Variants in RAPGEFL1 observed in about 807,000 individuals in gnomAD.
RAPGEFL1 encodes Rap guanine nucleotide exchange factor like 1, also known as rap guanine nucleotide exchange factor-like 1.
RAPGEFL1 carries 31 observed loss-of-function variants against 64.4 expected under a neutral mutation model. The observed-to-expected ratio is 0.48, with a 90% CI of 0.36 to 0.65. The LOEUF (loss-of-function observed/expected upper bound fraction) is 0.65, where lower values mean the gene tolerates loss of function less well. Ranked by LOEUF, RAPGEFL1 falls within the 30% of genes least tolerant of loss-of-function variation. The pLI is 0.00. For missense variants in RAPGEFL1, 682 were observed against 677.4 expected (o/e 1.01, Z -0.08); for synonymous variants, 331 against 274.1 (o/e 1.21, Z -2.05).
chr17:40,184,827 T>C, intron 4 of RAPGEFL1, 149 bp downstream of exon 4: 1 of 596,364 alleles, frequency 1.7e-6, no homozygotes, highest in Non-Finnish European at 3.0e-6. Flanking sequence ...TCGCCTAGGC[T>C]GGAGAGCAGT....
chr17:40,180,666 A>G (rs1230616196), intron 1 of RAPGEFL1, among the ~76,000 whole-genome samples: 2 of 152,218 alleles, frequency 1.3e-5, no homozygotes, highest in African/African-American at 4.8e-5. Flanking sequence ...AGTCCCTCCC[A>G]GCTCTGGGCC....
rs1990328601 is a variant in RAPGEFL1, at chr17:40,192,937, C to G, written c.1756C>G (p.Leu586Val). ...TCCACATCCCCTAGACCTGACTTTC[C>G]TGCACGAAGGGAGTAAGACCCTTGT... Reference protein sequence around the residue: ...VPLILKDLTFLHEGSKTLVDG... With the variant: ...VPLILKDLTFVHEGSKTLVDG... Residue 586 changes from leucine (L) to valine (V), a missense_variant, in exon 13 of 15, where the codon CTG (leucine) becomes GTG (valine). Transcript: ENST00000620260. The G allele has an allele frequency of 1.9e-6, 3 of 1,613,632 alleles. No individual in the cohort carries two copies. Among genetic ancestry groups the G allele is most frequent in the African/African-American group, 1.3e-5 (1 of 74,906 alleles).
intron 2 of RAPGEFL1, among the ~76,000 whole-genome samples, chr17:40,183,062 C>T (rs995391700): frequency 1.3e-5 from 2 of 152,112 alleles, no homozygotes; most frequent in Non-Finnish European, 2.9e-5. Context: ...GCAGGAGAAT[C>T]GCTTGAACCC....
Position 40,177,486 on chromosome 17 carries a change from G to T in RAPGEFL1, c.-376G>T, listed in dbSNP as rs532588599. 4.9e-6 allele frequency: 3 copies of T among 617,232 alleles called. No homozygotes were observed. Among genetic ancestry groups the T allele is most frequent in the East Asian group, 5.6e-5 (2 of 35,778 alleles). 38.2% of individuals were successfully genotyped at this position (617,232 alleles called of 1,614,324 possible). A position where few individuals can be genotyped will look rare whatever the true frequency, so the allele number is the denominator to read the frequency against. On this transcript the variant is annotated 5_prime_UTR_variant, in exon 1 of 15. Coordinates refer to ENST00000620260, the MANE Select transcript of RAPGEFL1 (RefSeq NM_016339.6). ...GTTCTGCCACCTTCCCCCTCTTCAC[G>T]GCCAGGAGCGCAGCCGCCGCCGCCG...
intron 10 of RAPGEFL1, 101 bp from the exon 11 acceptor site, chr17:40,192,112 C>A: frequency 9.2e-7 from 1 of 1,089,832 alleles, no homozygotes; most frequent in South Asian, 1.3e-5. Flanking sequence ...ACAAGCCATG[C>A]AGGCCCTTTT....
chr17:40,179,930 A>C (rs1262224036), intron 1 of RAPGEFL1, among the ~76,000 whole-genome samples: 2 of 152,044 alleles, frequency 1.3e-5, no homozygotes, highest in Non-Finnish European at 2.9e-5. Flanking sequence ...TCAGACACAC[A>C]CAGCTCTCCT....
At chr17:40,189,125 G>A (rs1451771091) in intron 5 of RAPGEFL1, 83 bp from the exon 6 acceptor site, 2 of 1,507,208 alleles carry the variant, frequency 1.3e-6, no homozygotes, top group Non-Finnish European at 1.8e-6. Context: ...CCTCTGGTGG[G>A]GAATAGAGGC....
chr17:40,193,494 C>T, intron 14 of RAPGEFL1, 77 bp downstream of exon 14: 1 of 1,582,706 alleles, frequency 6.3e-7, no homozygotes, highest in South Asian at 1.1e-5. Flanking sequence ...AACTCCCTGT[C>T]CAGATGTGTA....
intron 10 of RAPGEFL1, among the ~76,000 whole-genome samples, 154 bp from the exon 11 acceptor site, chr17:40,192,059 A>C (rs1990294278): frequency 6.6e-6 from 1 of 152,140 alleles, no homozygotes; most frequent in Admixed American, 6.6e-5. Context: ...GACTTAGCCA[A>C]GGCCTGACTT....
chr17:40,192,710 C>T lies in RAPGEFL1; in HGVS notation c.1744+17C>T, dbSNP rs774034605. The stretch of plus-strand genomic sequence containing the variant: ...TCCTCAAAGGTGAGAGAGTTACTCC[C>T]AAGCTGTGCCGCTTCCACCCATGCT... On this transcript the variant is annotated intron_variant, in intron 12 of 14. Transcript: ENST00000620260. 1.3e-6 allele frequency: 2 copies of T among 1,599,908 alleles called. No individual in the cohort carries two copies. Among genetic ancestry groups the T allele is most frequent in the Admixed American group, 3.3e-5 (2 of 59,766 alleles).
Position 40,190,768 on chromosome 17 carries a change from GA to G in RAPGEFL1, c.1335+7del, listed in dbSNP as rs773294247. ...TGTTCCGATGTGTGCATGAGGTGGG[GA>G]CCGAGGCTGGTGCTATGCTGGGGGG... On this transcript the variant is annotated splice_region_variant and intron_variant, in intron 8 of 14. Transcript: ENST00000620260. The G allele has an allele frequency of 1.9e-5, 31 of 1,613,928 alleles. No homozygotes were observed. Among genetic ancestry groups the G allele is most frequent in the Non-Finnish European group, 5.9e-6 (7 of 1,179,984 alleles).
At position 40,193,418 on chromosome 17, in the gene RAPGEFL1, G is replaced by T. The variant is rs1263889356; in HGVS notation, c.1864+1G>T. 1.9e-6 allele frequency: 3 copies of T among 1,614,088 alleles called. No homozygotes were observed. On this transcript the variant is annotated splice_donor_variant, in intron 14 of 14. Transcript: ENST00000620260. LOFTEE classifies it high-confidence loss of function. ...CGCAAATACCGGAGCCGGCCCCTTT[G>T]TGAGTACCCAGGGTACTGAGAGCAG...
chr17:40,178,112 A>T lies in RAPGEFL1; in HGVS notation c.251A>T (p.Glu84Val). 1 of 564,830 alleles carries T rather than the reference A, an allele frequency of 1.8e-6. No homozygotes were observed. The highest frequency in any genetic ancestry group is 3.1e-6 in the Non-Finnish European group (1 of 322,222). The allele number at this position is 564,830 out of a possible 1,614,324, so 35.0% of individuals were successfully genotyped here. The change falls in exon 1 of 15, where the codon GAA (glutamate) becomes GTA (valine). Residue 84 changes from glutamate (E) to valine (V), a missense_variant. Around this residue, in one of 2 missense-constraint regions of RAPGEFL1, gnomAD observed 271 missense variants for 158.0 expected, o/e 1.72. Coordinates refer to ENST00000620260, the MANE Select transcript of RAPGEFL1 (RefSeq NM_016339.6). Reference sequence around the variant, plus strand: ...GGGCTGGAGCCGCCCCCTGAGGAGGAAGGAGGAGAGCCGGCGGGGGTCGCG... The same window carrying T: ...GGGCTGGAGCCGCCCCCTGAGGAGGTAGGAGGAGAGCCGGCGGGGGTCGCG... ...EPGLEPPPEE[E>V]GGEPAGVAEE...
At chr17:40,193,048 CCT>C in intron 13 of RAPGEFL1, 58 bp downstream of exon 13, 1 of 1,455,412 alleles carries the variant, frequency 6.9e-7, no homozygotes, top group Non-Finnish European at 9.7e-7. Flanking sequence ...GCATCCTCTC[CCT>C]CTCTCATCAC....
intron 2 of RAPGEFL1, among the ~76,000 whole-genome samples, chr17:40,182,775 T>C (rs1291824540): frequency 6.6e-6 from 1 of 152,210 alleles, no homozygotes; most frequent in South Asian, 2.1e-4. Context: ...GGGCTATTCA[T>C]AGGGTCTCAT....
intron 4 of RAPGEFL1, among the ~76,000 whole-genome samples, chr17:40,185,393 A>C (rs1346964455): frequency 6.6e-6 from 1 of 152,044 alleles, no homozygotes; most frequent in Non-Finnish European, 1.5e-5. Flanking sequence ...AAAAGGTAGT[A>C]AAATGGCTGG....
intron 14 of RAPGEFL1, 102 bp downstream of exon 14, chr17:40,193,519 C>A (rs1233158867): frequency 1.3e-6 from 2 of 1,567,732 alleles, no homozygotes; most frequent in Non-Finnish European, 1.8e-6. Context: ...CATACACTTG[C>A]TGGTTCCCCA....
intron 2 of RAPGEFL1, among the ~76,000 whole-genome samples, chr17:40,183,471 A>G (rs1406262189): frequency 2.0e-5 from 3 of 151,118 alleles, no homozygotes; most frequent in African/African-American, 7.3e-5. Context: ...AAATCTAGAG[A>G]ATACTTGGGG....
Position 40,184,242 on chromosome 17 carries a change from C to A in RAPGEFL1, c.628C>A (p.Pro210Thr). 6.2e-7 allele frequency: 1 copy of A among 1,613,568 alleles called. No homozygotes were observed. Among genetic ancestry groups the A allele is most frequent in the Non-Finnish European group, 8.5e-7 (1 of 1,179,864 alleles). ...YFVRAGGMEG[P>T]EGLGRKQACL... ...TGTTCGGGCAGGAGGCATGGAGGGC[C>A]CTGAAGGGCTGGGCCGGAAGCAAGC... Residue 210 changes from proline (P) to threonine (T), a missense_variant, in exon 3 of 15, where the codon CCT becomes ACT. This residue lies in a region of RAPGEFL1 where 271 missense variants were observed against 158.0 expected (regional missense o/e 1.72). Transcript: ENST00000620260.
Sources: gnomAD v4.1 joint callset for allele counts (sites outside exome capture counted in the v4.1 genomes callset) on GRCh38, gnomAD v4.1.1 for gene constraint, gnomAD v4.1.1 regional missense constraint, MANE v1.5 for transcripts, NCBI Gene and HGNC (gene_info 2026-07-23, HGNC 2026-07-21) for gene names.